The following SCHIP1 variants were observed in gnomAD, a reference collection of about 807,000 sequenced individuals.
SCHIP1 encodes schwannomin-interacting protein 1.
SCHIP1 carries 8 observed loss-of-function variants against 29.7 expected under a neutral mutation model. The ratio of observed to expected loss-of-function variants is 0.27; its 90% CI spans 0.16 to 0.49. The LOEUF is 0.49. Ranked by LOEUF, SCHIP1 falls within the 20% of genes least tolerant of loss-of-function variation. SCHIP1 has a pLI of 0.99. For missense variants in SCHIP1, 193 were observed against 294.6 expected (o/e 0.66, Z 2.52); for synonymous variants, 76 against 94.9 (o/e 0.80, Z 1.16).
intron 1 of SCHIP1, among the ~76,000 whole-genome samples, chr3:159,842,563 A>C (rs987572516): frequency 6.6e-6 from 1 of 152,166 alleles, no homozygotes; most frequent in Non-Finnish European, 1.5e-5. Flanking sequence ...GTAAAAATCC[A>C]AGTCCTAACA....
At chr3:159,464,496 T>A in the SCHIP1 span, among the ~76,000 whole-genome samples, 1 of 152,176 alleles carries the variant, frequency 6.6e-6, no homozygotes, top group Non-Finnish European at 1.5e-5. Context: ...AATGTATACA[T>A]ACTGTAAAGG....
chr3:159,316,174 A>C, the SCHIP1 span, among the ~76,000 whole-genome samples: 1 of 152,098 alleles, frequency 6.6e-6, no homozygotes, highest in East Asian at 1.9e-4. Flanking sequence ...TTAGAGCGAC[A>C]GAACTAATAG....
At chr3:159,745,378 C>T in the SCHIP1 span, among the ~76,000 whole-genome samples, 1 of 152,182 alleles carries the variant, frequency 6.6e-6, no homozygotes, top group Non-Finnish European at 1.5e-5. Context: ...CTGCCTGCTC[C>T]CAGGTAGAGT....
chr3:159,581,061 T>G, the SCHIP1 span, among the ~76,000 whole-genome samples: 1 of 152,276 alleles, frequency 6.6e-6, no homozygotes, highest in African/African-American at 2.4e-5. Flanking sequence ...CAAGTCACAT[T>G]GGAAAATAAA....
the SCHIP1 span, among the ~76,000 whole-genome samples, chr3:159,685,142 A>C: frequency 6.6e-6 from 1 of 152,220 alleles, no homozygotes; most frequent in South Asian, 2.1e-4. Flanking sequence ...ATAGTCTTGA[A>C]CAAAATAGAC....
At chr3:159,503,632 A>C in the SCHIP1 span, among the ~76,000 whole-genome samples, 1 of 152,178 alleles carries the variant, frequency 6.6e-6, no homozygotes, top group Non-Finnish European at 1.5e-5. Context: ...TAGCCACATG[A>C]GTGGCTGTTA....
the SCHIP1 span, among the ~76,000 whole-genome samples, chr3:159,393,366 T>G: frequency 6.6e-6 from 1 of 152,178 alleles, no homozygotes; most frequent in South Asian, 2.1e-4. Flanking sequence ...GCTTTTGGTG[T>G]TTTAGACATG....
chr3:159,597,571 C>A, the SCHIP1 span, among the ~76,000 whole-genome samples: 1 of 152,028 alleles, frequency 6.6e-6, no homozygotes, highest in East Asian at 1.9e-4. Flanking sequence ...AGATAATGAC[C>A]ACCAGTTCCT....
chr3:159,397,004 G>T, the SCHIP1 span, among the ~76,000 whole-genome samples: 252 of 143,872 alleles, frequency 1.8e-3, no homozygotes, highest in African/African-American at 5.5e-3. Context: ...ATATTTCTTG[G>T]AGGCTTTGCT....
At chr3:159,846,351 A>G (rs1218172748) in intron 1 of SCHIP1, among the ~76,000 whole-genome samples, 1 of 152,230 alleles carries the variant, frequency 6.6e-6, no homozygotes, top group African/African-American at 2.4e-5. Context: ...CAGTTTAAGT[A>G]GTATATCATG....
the SCHIP1 span, among the ~76,000 whole-genome samples, chr3:159,827,769 C>T: frequency 6.7e-6 from 1 of 148,358 alleles, no homozygotes; most frequent in Non-Finnish European, 1.5e-5. Context: ...TGCGCCACTG[C>T]AGTCCGCAGT....
chr3:159,797,875 A>G, the SCHIP1 span, among the ~76,000 whole-genome samples: 1 of 152,224 alleles, frequency 6.6e-6, no homozygotes, highest in Non-Finnish European at 1.5e-5. Context: ...CTTTATAGAG[A>G]GGAAAGGGTG....
At chr3:159,275,091 T>C in the SCHIP1 span, 10 of 968,168 alleles carry the variant, frequency 1.0e-5, no homozygotes, top group African/African-American at 1.8e-4. Flanking sequence ...TTAGAGGATG[T>C]AACAATTTTA....
chr3:159,687,197 T>C, the SCHIP1 span, among the ~76,000 whole-genome samples: 3 of 152,168 alleles, frequency 2.0e-5, no homozygotes, highest in Non-Finnish European at 4.4e-5. Flanking sequence ...AGACAGAAAG[T>C]AGGAGAAAAA....
chr3:159,556,966 T>G, the SCHIP1 span, among the ~76,000 whole-genome samples: 1 of 151,422 alleles, frequency 6.6e-6, no homozygotes, highest in Admixed American at 6.6e-5. Context: ...AAAAAGATTT[T>G]TTTTTTTTGG....
chr3:159,775,458 G>C, the SCHIP1 span, among the ~76,000 whole-genome samples: 2 of 152,184 alleles, frequency 1.3e-5, no homozygotes, highest in African/African-American at 2.4e-5. Context: ...GGGTCATGCT[G>C]TTGCCCCTCA....
the SCHIP1 span, among the ~76,000 whole-genome samples, chr3:159,435,823 C>G: frequency 2.0e-5 from 3 of 151,888 alleles, no homozygotes; most frequent in Non-Finnish European, 4.4e-5. Context: ...TTCTCTCACA[C>G]AAGACTCAAA....
At chr3:159,614,659 A>G in the SCHIP1 span, among the ~76,000 whole-genome samples, 3 of 152,230 alleles carry the variant, frequency 2.0e-5, no homozygotes, top group South Asian at 6.2e-4. Context: ...GAAAGTGACC[A>G]TGTTCAGAAA....
chr3:159,299,472 C>T, the SCHIP1 span, among the ~76,000 whole-genome samples: 2,722 of 152,148 alleles, frequency 0.018, 66 homozygotes, highest in African/African-American at 0.062. Context: ...AAAAGTGAGG[C>T]AAGAGTAGAA....
Sources: allele counts gnomAD v4.1 joint callset (sites outside exome capture counted in the v4.1 genomes callset), GRCh38; gene constraint gnomAD v4.1.1; transcripts MANE v1.5; gene names NCBI Gene and HGNC (gene_info 2026-07-23, HGNC 2026-07-21).